The following ACO2 variants were observed in gnomAD, a reference collection of about 807,000 sequenced individuals.
The protein encoded by ACO2 is aconitate hydratase, mitochondrial.
Under a neutral mutation model 84.5 loss-of-function variants are expected in ACO2, and 31 were observed. The observed-to-expected ratio is 0.37, with a 90% CI of 0.28 to 0.50. The LOEUF is 0.50. Among genes scored for constraint, ACO2 ranks in the 20% least tolerant of loss-of-function variants. ACO2 has a pLI of 0.97. For synonymous variants in ACO2, 414 were observed against 412.7 expected (o/e 1.00, Z -0.04); for missense variants, 685 against 1,029.3 (o/e 0.67, Z 4.58).
chr22:41,515,823 G>A lies in ACO2; in HGVS notation c.741G>A (p.Val247=), dbSNP rs2066471895. The change falls in exon 6 of 18, where the codon GTG becomes GTA. Residue 247 remains valine, a synonymous_variant. Transcript: ENST00000216254. This position sits in a 1 kb window ranked among gnomAD's most constrained non-coding sequence, Gnocchi z 5.8. ...CCGGTTGGTCCTCACCCAAAGATGT[G>A]ATCCTGAAGGTGGCAGGCATCCTCA... The part of the protein sequence containing the change: ...SLSGWSSPKD[V]ILKVAGILTV... The A allele has an allele frequency of 6.2e-7, 1 of 1,614,206 alleles. No homozygotes were observed. The highest frequency in any genetic ancestry group is 2.2e-5 in the East Asian group (1 of 44,872).
chr22:41,528,189 T>TG, intron 17 of ACO2, 167 bp downstream of exon 17: 1 of 1,137,566 alleles, frequency 8.8e-7, no homozygotes, highest in East Asian at 2.5e-5. Flanking sequence ...TTCTCAGAGT[T>TG]GGGGGTTGGA....
At chr22:41,508,956 C>T (rs953072502) in intron 3 of ACO2, among the ~76,000 whole-genome samples, 3 of 152,170 alleles carry the variant, frequency 2.0e-5, no homozygotes, top group East Asian at 1.9e-4. Flanking sequence ...GGGAAACACT[C>T]GGGGCGGCGC....
chr22:41,487,595 G>C (rs2066237740), intron 1 of ACO2, among the ~76,000 whole-genome samples: 1 of 152,108 alleles, frequency 6.6e-6, no homozygotes, highest in South Asian at 2.1e-4. Flanking sequence ...CTGTTAACTA[G>C]GTATGTGACC....
chr22:41,472,421 C>T (rs2037957312), intron 1 of ACO2, among the ~76,000 whole-genome samples: 2 of 151,914 alleles, frequency 1.3e-5, no homozygotes, highest in South Asian at 2.1e-4. Flanking sequence ...TGAATCTGGA[C>T]ATGTCTGATT....
intron 2 of ACO2, among the ~76,000 whole-genome samples, chr22:41,501,863 A>C (rs1352197710): frequency 6.6e-6 from 1 of 152,192 alleles, no homozygotes; most frequent in Non-Finnish European, 1.5e-5. Context: ...CCTCCAGCAC[A>C]GCATCATCTA....
intron 1 of ACO2, among the ~76,000 whole-genome samples, chr22:41,488,209 T>C (rs1039764275): frequency 4.6e-5 from 7 of 152,198 alleles, no homozygotes; most frequent in Non-Finnish European, 7.3e-5. Context: ...GTGTTCCCAG[T>C]GTCCAATGTG....
intron 14 of ACO2, 120 bp from the exon 15 acceptor site, chr22:41,526,142 C>T: frequency 1.2e-6 from 1 of 815,586 alleles, no homozygotes; most frequent in Non-Finnish European, 1.9e-6. Flanking sequence ...GACTTGCCTG[C>T]CTCTCACCCC....
intron 1 of ACO2, among the ~76,000 whole-genome samples, chr22:41,487,638 A>G (rs1481938807): frequency 6.6e-6 from 1 of 152,156 alleles, no homozygotes; most frequent in Non-Finnish European, 1.5e-5. Flanking sequence ...TCAAACAAAG[A>G]AAAAATTCTT....
At position 41,485,163 on chromosome 22, in the gene ACO2, C is replaced by T. The variant is rs76726249; in HGVS notation, c.37-14563C>T. On this transcript the variant is annotated intron_variant, in intron 1 of 17. Coordinates refer to ENST00000216254, the MANE Select transcript of ACO2 (RefSeq NM_001098.3). ...AAGTGCTGGGATCCGTGAGCCACTG[C>T]TCCTGGTCAGGTTAAGTTATCTTCA... is the stretch of plus-strand genomic sequence containing the variant. 2.6e-3 allele frequency among the ~76,000 whole-genome samples: 395 copies of T among 152,282 alleles called. 3 individuals are homozygous for T. Among genetic ancestry groups the T allele is most frequent in the African/African-American group, 9.0e-3 (375 of 41,554 alleles).
intron 1 of ACO2, among the ~76,000 whole-genome samples, chr22:41,493,421 A>G (rs959448331): frequency 2.0e-5 from 3 of 152,154 alleles, no homozygotes; most frequent in African/African-American, 4.8e-5. Flanking sequence ...TTTCCATGTG[A>G]CATTTCATGC....
intron 14 of ACO2, 122 bp from the exon 15 acceptor site, chr22:41,526,140 T>C: frequency 1.2e-6 from 1 of 808,208 alleles, no homozygotes. Context: ...AAGACTTGCC[T>C]GCCTCTCACC....
At chr22:41,523,054 A>AG in intron 10 of ACO2, 67 bp downstream of exon 10, 1 of 1,593,394 alleles carries the variant, frequency 6.3e-7, no homozygotes, top group Non-Finnish European at 8.6e-7. Flanking sequence ...AGGCGGCACA[A>AG]GCCCAGAGGC....
intron 1 of ACO2, among the ~76,000 whole-genome samples, chr22:41,490,535 A>AAAT (rs2066264468): frequency 6.6e-6 from 1 of 152,190 alleles, no homozygotes; most frequent in African/African-American, 2.4e-5. Flanking sequence ...TTGTTCTCTT[A>AAAT]AAAACAGCGC....
At chr22:41,500,190 A>G (rs1464287931) in intron 2 of ACO2, among the ~76,000 whole-genome samples, 1 of 152,144 alleles carries the variant, frequency 6.6e-6, no homozygotes, top group Non-Finnish European at 1.5e-5. Context: ...GGAAGCCACC[A>G]GGCCCAGTGC....
intron 1 of ACO2, among the ~76,000 whole-genome samples, chr22:41,491,504 G>C (rs899697606): frequency 5.3e-5 from 8 of 152,178 alleles, no homozygotes; most frequent in African/African-American, 1.7e-4. Context: ...CATCAGAAGG[G>C]GGTCAGGAAT....
chr22:41,501,906 C>T (rs981941727), intron 2 of ACO2, among the ~76,000 whole-genome samples: 5 of 152,114 alleles, frequency 3.3e-5, no homozygotes, highest in African/African-American at 7.2e-5. Context: ...TTGTCAAGGA[C>T]GGCTGTGACA....
Position 41,525,249 on chromosome 22 carries a change from G to T in ACO2, c.1662G>T (p.Gln554His). 1 of 1,614,080 alleles carries T rather than the reference G, an allele frequency of 6.2e-7. No homozygotes were observed. Among genetic ancestry groups the T allele is most frequent in the Non-Finnish European group, 8.5e-7 (1 of 1,179,998 alleles). Residue 554 changes from glutamine to histidine, a missense_variant, in exon 14 of 18, where the codon CAG becomes CAT. Gln to His is a conservative substitution (Grantham distance 24). This residue lies in a region of ACO2 where 311 missense variants were observed against 441.6 expected (regional missense o/e 0.70). Coordinates refer to ENST00000216254, the MANE Select transcript of ACO2 (RefSeq NM_001098.3). ...ACCCACCCAAGGACAGCAGCGGGCA[G>T]CATGTGGACGTGAGCCCCACCAGCC... ...YQHPPKDSSGQHVDVSPTSQR... is the reference protein window; with the variant it reads ...YQHPPKDSSGHHVDVSPTSQR...
intron 1 of ACO2, among the ~76,000 whole-genome samples, chr22:41,475,373 A>G (rs907619695): frequency 1.3e-5 from 2 of 151,398 alleles, no homozygotes; most frequent in Admixed American, 6.6e-5. Context: ...GGATCTTGCC[A>G]TGTCACCCAA....
chr22:41,475,089 T>C, intron 1 of ACO2, among the ~76,000 whole-genome samples: 1 of 151,858 alleles, frequency 6.6e-6, no homozygotes, highest in East Asian at 1.9e-4. Context: ...TCTGGTCTTA[T>C]TGTGAAACCT....
Sources: allele counts gnomAD v4.1 joint callset (sites outside exome capture counted in the v4.1 genomes callset), GRCh38; gene constraint gnomAD v4.1.1; regional missense constraint gnomAD v4.1.1; non-coding constraint Gnocchi (gnomAD v3.1); transcripts MANE v1.5; gene names NCBI Gene and HGNC (gene_info 2026-07-23, HGNC 2026-07-21).